Variants in FARP1 observed in about 807,000 individuals in gnomAD.
The protein encoded by FARP1 is FERM, ARH/RhoGEF and pleckstrin domain protein 1, also known as FERM, ARHGEF and pleckstrin domain-containing protein 1.
In FARP1, 52 loss-of-function variants were observed where a neutral mutation model predicts 128.8. The observed-to-expected ratio is 0.40, with a 90% CI of 0.32 to 0.51. FARP1 has a LOEUF of 0.51. Among genes scored for constraint, FARP1 ranks in the 20% least tolerant of loss-of-function variants. The probability of loss-of-function intolerance (pLI) is 0.45; values close to 1 mark genes in which losing one functional copy is unlikely to be tolerated. For synonymous variants in FARP1, 580 were observed against 551.8 expected (o/e 1.05, Z -0.72); for missense variants, 1,333 against 1,367.9 (o/e 0.97, Z 0.40).
At chr13:98,279,831 G>C (rs1401367487) in intron 2 of FARP1, among the ~76,000 whole-genome samples, 1 of 152,188 alleles carries the variant, frequency 6.6e-6, no homozygotes, top group Non-Finnish European at 1.5e-5. Flanking sequence ...TGTAGGATGT[G>C]GCTTTGTGGG....
intron 1 of FARP1, among the ~76,000 whole-genome samples, chr13:98,155,675 C>T (rs1002743061): frequency 2.2e-4 from 33 of 152,082 alleles, no homozygotes; most frequent in Admixed American, 2.0e-3. Context: ...TGCACCACCA[C>T]ACCTCACTAA....
intron 3 of FARP1, among the ~76,000 whole-genome samples, chr13:98,360,763 C>G (rs1888838156): frequency 6.6e-6 from 1 of 152,180 alleles, no homozygotes; most frequent in Admixed American, 6.5e-5. Context: ...TGAGATTTCT[C>G]TAGAGGTCCA....
intron 1 of FARP1, among the ~76,000 whole-genome samples, chr13:98,151,186 AT>A (rs1875972192): frequency 6.6e-6 from 1 of 152,064 alleles, no homozygotes; most frequent in Non-Finnish European, 1.5e-5. Flanking sequence ...CATAACTTTT[AT>A]TACAGTGTAT....
In FARP1 at chr13:98,440,035, G is replaced by T. The variant is rs750490053; in HGVS notation, c.2508G>T (p.Val836=). The change falls in exon 22 of 27, where the codon GTG becomes GTT. Residue 836 remains valine (V), a synonymous_variant. Transcript: ENST00000319562. ...TLRGQRQSII[V]AASSRSEMEK... is the part of the protein sequence containing the mutation. The stretch of plus-strand genomic sequence containing the variant: ...GGGGCCAGCGGCAGTCCATCATCGT[G>T]GCCGCCAGGTAACTCGGGAGCCCGC... 5.0e-6 allele frequency: 8 copies of T among 1,607,292 alleles called. No individual in the cohort carries two copies. Among genetic ancestry groups the T allele is most frequent in the Non-Finnish European group, 5.1e-6 (6 of 1,174,814 alleles).
In FARP1 at chr13:98,392,323, CAAAAA is replaced by C. The variant is rs11289484; in HGVS notation, c.1089-1297_1089-1293del. 2.4e-3 allele frequency among the ~76,000 whole-genome samples: 144 copies of C among 60,436 alleles called. 1 individual carries two copies. Among genetic ancestry groups the C allele is most frequent in the African/African-American group, 8.4e-3 (128 of 15,270 alleles). The allele number at this position is 60,436 out of a possible 152,430, so 39.6% of individuals were successfully genotyped here. ...AACATGACGAAAGCTCATCTCTACC[CAAAAA>C]AAAAAAAAAAAAAAAAAAAAAATTA... is the stretch of plus-strand genomic sequence containing the variant. On this transcript the variant is annotated intron_variant, in intron 11 of 26. Coordinates refer to ENST00000319562, the MANE Select transcript of FARP1 (RefSeq NM_005766.4).
intron 18 of FARP1, chr13:98,435,277 T>A (rs1420212523): frequency 4.7e-6 from 1 of 211,938 alleles, no homozygotes; most frequent in Non-Finnish European, 9.3e-6. Context: ...CAAGGCAGTC[T>A]TCTTCCCCCG....
intron 1 of FARP1, among the ~76,000 whole-genome samples, chr13:98,190,315 A>C (rs987011860): frequency 3.3e-5 from 5 of 152,222 alleles, no homozygotes. Context: ...CACCAGGGTA[A>C]ATGGTAAAAC....
chr13:98,352,344 G>GT (rs1414348723), intron 3 of FARP1, among the ~76,000 whole-genome samples: 2 of 152,192 alleles, frequency 1.3e-5, no homozygotes, highest in Non-Finnish European at 2.9e-5. Flanking sequence ...GCTGAAATGG[G>GT]TAAGGCCTAA....
intron 1 of FARP1, among the ~76,000 whole-genome samples, chr13:98,156,973 A>G (rs1876535082): frequency 6.6e-6 from 1 of 152,162 alleles, no homozygotes; most frequent in South Asian, 2.1e-4. Context: ...CCCAAATAAG[A>G]AATACCTAAT....
rs1192227725 is a variant in FARP1, at chr13:98,178,198, T to TAA, written c.-24+34706_-24+34707insAA. ...AAGATAATCATTTTTAATTTTTTTT[T>TAA]TTTTTTTTTTTTTTTGAGAAAGAGT... On this transcript the variant is annotated intron_variant, in intron 1 of 26. Coordinates refer to ENST00000319562, the MANE Select transcript of FARP1 (RefSeq NM_005766.4). 5.4e-5 allele frequency among the ~76,000 whole-genome samples: 8 copies of TAA among 147,860 alleles called. No individual in the cohort carries two copies. The East Asian group carries it at 1.4e-3, about 26-fold the overall frequency.
intron 5 of FARP1, among the ~76,000 whole-genome samples, chr13:98,376,016 A>T (rs73567671): frequency 2.5e-3 from 385 of 152,290 alleles, no homozygotes; most frequent in African/African-American, 8.8e-3. Context: ...CTAAAAATCT[A>T]TGAGTTTGTA....
At chr13:98,155,212 G>A (rs902025942) in intron 1 of FARP1, among the ~76,000 whole-genome samples, 1 of 152,164 alleles carries the variant, frequency 6.6e-6, no homozygotes, top group Admixed American at 6.5e-5. Flanking sequence ...TGGGAGTGCT[G>A]GCACATGCCT....
intron 2 of FARP1, among the ~76,000 whole-genome samples, chr13:98,319,598 C>G (rs1477706154): frequency 6.6e-6 from 1 of 152,168 alleles, no homozygotes; most frequent in Non-Finnish European, 1.5e-5. Context: ...CCAGCCTGGG[C>G]AACAGAGCAA....
intron 16 of FARP1, among the ~76,000 whole-genome samples, chr13:98,422,331 C>T (rs1450631112): frequency 2.0e-5 from 3 of 152,164 alleles, no homozygotes; most frequent in Admixed American, 2.0e-4. Flanking sequence ...AGAACCTTTT[C>T]AGGGGAGCAG....
intron 2 of FARP1, among the ~76,000 whole-genome samples, chr13:98,280,990 A>T (rs1884909222): frequency 6.6e-6 from 1 of 152,256 alleles, no homozygotes; most frequent in South Asian, 2.1e-4. Context: ...AATGCAATTA[A>T]AACTTTTTTG....
chr13:98,291,686 C>G (rs796174811), intron 2 of FARP1, among the ~76,000 whole-genome samples: 4 of 152,184 alleles, frequency 2.6e-5, no homozygotes, highest in East Asian at 1.9e-4. Context: ...GTACTCCCAA[C>G]AAGCTAGCCA....
intron 19 of FARP1, 94 bp from the exon 20 acceptor site, chr13:98,438,710 G>T (rs1892397354): frequency 2.0e-6 from 2 of 982,706 alleles, no homozygotes; most frequent in Admixed American, 3.6e-5. Context: ...AGCCCTCAGG[G>T]GCTACAAATT....
intron 2 of FARP1, among the ~76,000 whole-genome samples, chr13:98,285,974 G>A (rs1885147261): frequency 6.6e-6 from 1 of 152,136 alleles, no homozygotes; most frequent in Admixed American, 6.5e-5. Context: ...CCCTCTGCAT[G>A]CAGACCTATG....
chr13:98,243,933 T>C (rs1323836253), intron 2 of FARP1, among the ~76,000 whole-genome samples: 1 of 152,146 alleles, frequency 6.6e-6, no homozygotes, highest in Non-Finnish European at 1.5e-5. Flanking sequence ...TTAAAATATG[T>C]GAAACTCATA....
Sources: allele counts gnomAD v4.1 joint callset (sites outside exome capture counted in the v4.1 genomes callset), GRCh38; gene constraint gnomAD v4.1.1; transcripts MANE v1.5; gene names NCBI Gene and HGNC (gene_info 2026-07-23, HGNC 2026-07-21).